The following PARD3B variants were observed in gnomAD, a reference collection of about 807,000 sequenced individuals.
PARD3B encodes the protein par-3 family cell polarity regulator beta, also known as partitioning defective 3 homolog B.
In PARD3B, 103 loss-of-function variants were observed where a neutral mutation model predicts 130.2. The ratio of observed to expected loss-of-function variants is 0.79; its 90% CI spans 0.67 to 0.93. The LOEUF is 0.93. PARD3B is among the 40% of genes least tolerant of loss of function. The pLI is 0.00. For missense variants in PARD3B, 1,609 were observed against 1,499.2 expected (o/e 1.07, Z -1.21); for synonymous variants, 583 against 553.2 (o/e 1.05, Z -0.76).
At chr2:205,374,699 T>C (rs565088880) in intron 18 of PARD3B, among the ~76,000 whole-genome samples, 280 of 152,306 alleles carry the variant, frequency 1.8e-3, no homozygotes, top group Non-Finnish European at 3.4e-3. Flanking sequence ...TGCATAATAC[T>C]CCATCAGGTG....
intron 3 of PARD3B, among the ~76,000 whole-genome samples, chr2:204,998,399 T>TAAAGAATTAGAGAAGAAATGAAA (rs1559341725): frequency 1.4e-5 from 1 of 73,436 alleles, no homozygotes; most frequent in African/African-American, 5.4e-5. Context: ...TATATATGTA[T>TAAAGAATTAGAGAAGAAATGAAA]ATATGTGTAT....
rs144666485 is a variant in PARD3B at position 205,421,117 on chromosome 2, A to C, written c.2742-19253A>C. ...CTACACTCCAGCCTGGTAACAGAGC[A>C]AGACTCCATCTCAAAAAACAAAAAA... is the stretch of plus-strand genomic sequence containing the variant. On this transcript the variant is annotated intron_variant, in intron 19 of 22. Coordinates refer to ENST00000406610, the MANE Select transcript of PARD3B (RefSeq NM_001302769.2). This position sits in a 1 kb window ranked among gnomAD's most constrained non-coding sequence, Gnocchi z 5.1. Among the ~76,000 whole-genome samples, 374 of 152,154 alleles carry C rather than the reference A, an allele frequency of 2.5e-3. 7 individuals carry two copies. Among genetic ancestry groups the C allele is most frequent in the African/African-American group, 8.6e-3 (358 of 41,474 alleles).
At chr2:205,075,467 C>T (rs1264515572) in intron 4 of PARD3B, among the ~76,000 whole-genome samples, 2 of 151,170 alleles carry the variant, frequency 1.3e-5, no homozygotes, top group African/African-American at 2.4e-5. Flanking sequence ...TTTAATCCAC[C>T]CTCAAAAAAG....
chr2:204,902,770 T>G (rs559686900), intron 2 of PARD3B, among the ~76,000 whole-genome samples: 1 of 152,336 alleles, frequency 6.6e-6, no homozygotes, highest in Non-Finnish European at 1.5e-5. Context: ...TTTCTTTCTC[T>G]TTTAGAAACT....
At chr2:204,798,315 G>A (rs1317453358) in intron 2 of PARD3B, among the ~76,000 whole-genome samples, 1 of 152,142 alleles carries the variant, frequency 6.6e-6, no homozygotes, top group Non-Finnish European at 1.5e-5. Context: ...AGCAACAAGG[G>A]GCAGAATTCA....
intron 1 of PARD3B, among the ~76,000 whole-genome samples, chr2:204,601,472 A>T (rs1270860158): frequency 6.6e-6 from 1 of 151,992 alleles, no homozygotes; most frequent in Admixed American, 6.6e-5. Flanking sequence ...TTCCTCATCA[A>T]ATTTGCTTAA....
intron 2 of PARD3B, among the ~76,000 whole-genome samples, chr2:204,842,961 G>T (rs1283153148): frequency 6.6e-6 from 1 of 152,054 alleles, no homozygotes; most frequent in Non-Finnish European, 1.5e-5. Flanking sequence ...CTTCAGATTC[G>T]CAAGATCTGC....
chr2:205,365,157 G>A (rs1183766071), intron 18 of PARD3B, among the ~76,000 whole-genome samples: 1 of 147,086 alleles, frequency 6.8e-6, no homozygotes, highest in Admixed American at 7.0e-5. Context: ...CTGAGATAGT[G>A]CCATTGTACT....
rs549324163 is a variant in PARD3B, at chr2:205,160,828, T to C, written c.1620+1921T>C. 3.9e-5 allele frequency among the ~76,000 whole-genome samples: 6 copies of C among 152,332 alleles called. No homozygotes were observed. In the East Asian group the frequency reaches 9.7e-4, roughly 25 times the overall value. ...AGATTAGACCCTTTAGTGCCTTTCC[T>C]GTGGTCAGATAGCCAGGAATTACTT... is the stretch of plus-strand genomic sequence containing the variant. On this transcript the variant is annotated intron_variant, in intron 11 of 22. Coordinates refer to ENST00000406610, the MANE Select transcript of PARD3B (RefSeq NM_001302769.2). The surrounding 1 kb of genome is among the most constrained non-coding windows in gnomAD (Gnocchi z 4.0).
intron 2 of PARD3B, among the ~76,000 whole-genome samples, chr2:204,737,572 C>G (rs1465841333): frequency 6.6e-6 from 1 of 152,076 alleles, no homozygotes; most frequent in Non-Finnish European, 1.5e-5. Flanking sequence ...TGTGTGGAAG[C>G]TTTTTAGCTT....
chr2:205,395,180 C>A (rs764242623), intron 18 of PARD3B, among the ~76,000 whole-genome samples: 6 of 152,180 alleles, frequency 3.9e-5, no homozygotes, highest in Non-Finnish European at 8.8e-5. Flanking sequence ...CCCAGCCAAC[C>A]ATTACCCAGT....
Position 204,562,050 on chromosome 2 carries a change from C to G in PARD3B, c.120+15931C>G, listed in dbSNP as rs759993246. ...AATATTTGCCTGCATGACTCAGTAT[C>G]TACATACACACACACATACAACAAA... On this transcript the variant is annotated intron_variant, in intron 1 of 22. Transcript: ENST00000406610. Among the ~76,000 whole-genome samples the G allele has an allele frequency of 1.4e-4, 21 of 152,142 alleles. 1 individual carries two copies. The highest frequency in any genetic ancestry group is 3.3e-4 in the Admixed American group (5 of 15,264).
intron 1 of PARD3B, among the ~76,000 whole-genome samples, chr2:204,670,026 G>A (rs1358158382): frequency 6.6e-6 from 1 of 151,974 alleles, no homozygotes; most frequent in Non-Finnish European, 1.5e-5. Context: ...TGAACGGTTG[G>A]GACAGTCAGA....
At chr2:205,207,081 C>G (rs1331551129) in intron 15 of PARD3B, among the ~76,000 whole-genome samples, 15 of 143,518 alleles carry the variant, frequency 1.0e-4, no homozygotes, top group African/African-American at 3.5e-4. Context: ...AACCGCTCAA[C>G]TACATGGAAA....
chr2:205,594,065 G>A (rs1330400999), intron 22 of PARD3B, among the ~76,000 whole-genome samples: 4 of 152,228 alleles, frequency 2.6e-5, no homozygotes, highest in Non-Finnish European at 5.9e-5. Context: ...GGGCAGCAAC[G>A]TGAGCTGAGT....
intron 1 of PARD3B, among the ~76,000 whole-genome samples, chr2:204,554,050 T>A (rs1022227595): frequency 2.6e-5 from 4 of 152,172 alleles, no homozygotes; most frequent in South Asian, 4.2e-4. Flanking sequence ...AATAAAAAAA[T>A]TTTAAAAATA....
chr2:205,058,953 CTT>C lies in PARD3B; in HGVS notation c.504+11274_504+11275del, dbSNP rs67253000. ...TTAATTTTCATGAAGTTCAATTTTT[CTT>C]TTTTTTTTTTAACTGTGCTTTTTGT... On this transcript the variant is annotated intron_variant, in intron 4 of 22. Coordinates refer to ENST00000406610, the MANE Select transcript of PARD3B (RefSeq NM_001302769.2). Among the ~76,000 whole-genome samples, 1,334 of 147,252 alleles carry C rather than the reference CTT, an allele frequency of 9.1e-3. 10 individuals carry two copies. Among genetic ancestry groups the C allele is most frequent in the African/African-American group, 0.03 (1,195 of 40,258 alleles).
chr2:204,629,674 T>C (rs2034613129), intron 1 of PARD3B, among the ~76,000 whole-genome samples: 1 of 151,890 alleles, frequency 6.6e-6, no homozygotes, highest in Non-Finnish European at 1.5e-5. Context: ...GACGTAGTGC[T>C]AAGATTTTTA....
intron 1 of PARD3B, among the ~76,000 whole-genome samples, chr2:204,597,859 G>T (rs1040520819): frequency 4.6e-5 from 7 of 152,164 alleles, no homozygotes; most frequent in African/African-American, 1.2e-4. Flanking sequence ...GGAAATATTT[G>T]TCTCTGGAAG....
Sources: gnomAD v4.1 joint callset for allele counts (sites outside exome capture counted in the v4.1 genomes callset) on GRCh38, gnomAD v4.1.1 for gene constraint, Gnocchi (gnomAD v3.1) non-coding constraint, MANE v1.5 for transcripts, NCBI Gene and HGNC (gene_info 2026-07-23, HGNC 2026-07-21) for gene names.